Variants in DCC observed in about 807,000 individuals in gnomAD.
DCC encodes the protein DCC netrin 1 receptor.
In DCC, 58 loss-of-function variants were observed where a neutral mutation model predicts 172.5. The ratio of observed to expected loss-of-function variants is 0.34; its 90% CI spans 0.27 to 0.42. The LOEUF is 0.42. Among genes scored for constraint, DCC ranks in the 10% least tolerant of loss-of-function variants. The probability of loss-of-function intolerance (pLI) is 1.00; values close to 1 mark genes in which losing one functional copy is unlikely to be tolerated. For missense variants in DCC, 1,740 were observed against 1,791.0 expected (o/e 0.97, Z 0.51); for synonymous variants, 709 against 644.5 (o/e 1.10, Z -1.52).
intron 1 of DCC, among the ~76,000 whole-genome samples, chr18:52,492,732 T>C (rs1403493037): frequency 2.6e-5 from 4 of 152,080 alleles, no homozygotes; most frequent in Non-Finnish European, 5.9e-5. Context: ...GTGTGTGTGA[T>C]TTTTCTCCAG....
intron 5 of DCC, among the ~76,000 whole-genome samples, chr18:52,967,423 G>C (rs1010047766): frequency 6.6e-6 from 1 of 152,102 alleles, no homozygotes; most frequent in Non-Finnish European, 1.5e-5. Context: ...CTCTGCCAAG[G>C]CAACCAAGTG....
chr18:52,590,403 A>T (rs1598937351), intron 1 of DCC, among the ~76,000 whole-genome samples: 1 of 152,318 alleles, frequency 6.6e-6, no homozygotes, highest in East Asian at 1.9e-4. Flanking sequence ...AGATAGACAC[A>T]TTAGGGAGTA....
At chr18:52,906,506 CTT>C (rs11322229) in intron 3 of DCC, among the ~76,000 whole-genome samples, 178 bp downstream of exon 3, 60 of 139,620 alleles carry the variant, frequency 4.3e-4, no homozygotes, top group Admixed American at 7.2e-4. Flanking sequence ...AAAAGCTGTT[CTT>C]TTTTTTTTTT....
intron 7 of DCC, among the ~76,000 whole-genome samples, chr18:53,081,521 GAAA>G: frequency 7.1e-6 from 1 of 140,258 alleles, no homozygotes; most frequent in East Asian, 2.1e-4. Context: ...GGATTAAAAA[GAAA>G]AAAAAAAAGA....
chr18:53,305,273 A>G (rs6508221), intron 12 of DCC, among the ~76,000 whole-genome samples: 135,964 of 152,260 alleles, frequency 0.89, 60,794 homozygotes, highest in Admixed American at 0.91. Flanking sequence ...ATGCAATATA[A>G]CCTTATTCTC....
In DCC at chr18:53,532,372, T is replaced by C. The variant is rs545099776; in HGVS notation, c.*1719T>C. 3.3e-5 allele frequency: 5 copies of C among 152,356 alleles called. No homozygotes were observed. In the East Asian group the frequency reaches 7.7e-4, roughly 23 times the overall value. 9.4% of individuals were successfully genotyped at this position (152,356 alleles called of 1,614,324 possible). On this transcript the variant is annotated 3_prime_UTR_variant, in exon 29 of 29. Transcript: ENST00000442544. The stretch of plus-strand genomic sequence containing the variant: ...AAATCTGATGTCAAAGAGAGGGCTG[T>C]TCAAATGGTTCATTAGAAAGTCCGG...
intron 1 of DCC, among the ~76,000 whole-genome samples, chr18:52,643,162 C>T (rs1395879641): frequency 6.6e-6 from 1 of 152,108 alleles, no homozygotes; most frequent in Admixed American, 6.6e-5. Flanking sequence ...TCAATGTCTC[C>T]AGACCATTTG....
At chr18:53,047,667 G>A (rs1221610279) in intron 5 of DCC, among the ~76,000 whole-genome samples, 1 of 150,838 alleles carries the variant, frequency 6.6e-6, no homozygotes, top group Non-Finnish European at 1.5e-5. Context: ...AAAGCCTATA[G>A]AGATAGGAAC....
intron 1 of DCC, among the ~76,000 whole-genome samples, chr18:52,535,619 A>C (rs2032267036): frequency 6.6e-6 from 1 of 152,204 alleles, no homozygotes; most frequent in Non-Finnish European, 1.5e-5. Flanking sequence ...TAATTGGGAA[A>C]ATTGTCTGGG....
chr18:52,493,495 G>C (rs755367362), intron 1 of DCC, among the ~76,000 whole-genome samples: 6 of 152,036 alleles, frequency 3.9e-5, no homozygotes, highest in Non-Finnish European at 1.5e-5. Flanking sequence ...AATCGTAATA[G>C]TTTATGTTGG....
At chr18:53,390,481 G>A (rs749367169) in intron 16 of DCC, among the ~76,000 whole-genome samples, 52 of 152,184 alleles carry the variant, frequency 3.4e-4, no homozygotes, top group Admixed American at 7.2e-4. Context: ...TGCTGCTGTA[G>A]ACACCCAGCA....
intron 2 of DCC, among the ~76,000 whole-genome samples, chr18:52,826,669 G>A (rs922136833): frequency 4.6e-5 from 7 of 151,940 alleles, no homozygotes; most frequent in African/African-American, 1.7e-4. Context: ...AGTAGAGATG[G>A]GGTTTCACCA....
At chr18:52,445,834 G>C (rs897024139) in intron 1 of DCC, among the ~76,000 whole-genome samples, 3 of 152,198 alleles carry the variant, frequency 2.0e-5, no homozygotes, top group African/African-American at 7.2e-5. Flanking sequence ...GGGGAAGGTA[G>C]CGTTCACAGA....
chr18:53,238,726 C>T (rs1358462148), intron 12 of DCC, among the ~76,000 whole-genome samples: 4 of 151,924 alleles, frequency 2.6e-5, no homozygotes, highest in Non-Finnish European at 5.9e-5. Flanking sequence ...GACAAGCAGC[C>T]AAACATGTAA....
intron 9 of DCC, among the ~76,000 whole-genome samples, chr18:53,192,998 A>G (rs905212550): frequency 1.3e-5 from 2 of 152,066 alleles, no homozygotes; most frequent in Admixed American, 6.6e-5. Flanking sequence ...TACCGTCCCT[A>G]TAGCTCTTAA....
chr18:52,995,650 G>A (rs2041466122), intron 5 of DCC, among the ~76,000 whole-genome samples: 1 of 151,968 alleles, frequency 6.6e-6, no homozygotes, highest in Non-Finnish European at 1.5e-5. Flanking sequence ...TGTAGCCCTA[G>A]AATGGTGTCT....
chr18:52,790,500 T>C (rs1272341140), intron 2 of DCC, among the ~76,000 whole-genome samples: 1 of 152,194 alleles, frequency 6.6e-6, no homozygotes, highest in Non-Finnish European at 1.5e-5. Context: ...GCTTCTGGGT[T>C]CCCTTCCCCC....
intron 12 of DCC, among the ~76,000 whole-genome samples, chr18:53,218,830 G>A (rs549699944): frequency 2.0e-5 from 3 of 152,056 alleles, no homozygotes; most frequent in African/African-American, 7.2e-5. Flanking sequence ...AATTATTATT[G>A]ATTCAGTTAT....
At position 53,012,790 on chromosome 18, in the gene DCC, C is replaced by T. The variant is rs541658299; in HGVS notation, c.986-50515C>T. On this transcript the variant is annotated intron_variant, in intron 5 of 28. Coordinates refer to ENST00000442544, the MANE Select transcript of DCC (RefSeq NM_005215.4). ...TACATAAAGACCTTAAAATCACAGG[C>T]AACCTACAGAATGGGAGAAAATTTT... Among the ~76,000 whole-genome samples the T allele has an allele frequency of 2.0e-5, 3 of 152,092 alleles. No homozygotes were observed. The South Asian group carries it at 6.2e-4, about 32-fold the overall frequency.
Sources: allele counts gnomAD v4.1 joint callset (sites outside exome capture counted in the v4.1 genomes callset), GRCh38; gene constraint gnomAD v4.1.1; transcripts MANE v1.5; gene names NCBI Gene and HGNC (gene_info 2026-07-23, HGNC 2026-07-21).